The following COL13A1 variants were observed in gnomAD, a reference collection of about 807,000 sequenced individuals.
COL13A1 encodes the protein collagen type XIII alpha 1 chain, also known as collagen alpha-1(XIII) chain.
Under a neutral mutation model 130.9 loss-of-function variants are expected in COL13A1, and 89 were observed. That is an observed-to-expected ratio of 0.68 (90% CI 0.57 to 0.81). The LOEUF (loss-of-function observed/expected upper bound fraction) is 0.81. COL13A1 is among the 30% of genes least tolerant of loss of function. The pLI, the probability that COL13A1 is intolerant of heterozygous loss-of-function variation, is 0.00. For missense variants in COL13A1, 879 were observed against 934.6 expected (o/e 0.94, Z 0.78); for synonymous variants, 402 against 341.6 (o/e 1.18, Z -1.95).
At chr10:69,944,310 G>A in intron 36 of COL13A1, 132 bp downstream of exon 36, 1 of 779,964 alleles carries the variant, frequency 1.3e-6, no homozygotes, top group Non-Finnish European at 2.2e-6. Flanking sequence ...AGCAGCCTGG[G>A]ACAGGGGGTG....
At chr10:69,864,092 A>G (rs1329263092) in intron 2 of COL13A1, among the ~76,000 whole-genome samples, 1 of 152,142 alleles carries the variant, frequency 6.6e-6, no homozygotes, top group Non-Finnish European at 1.5e-5. Flanking sequence ...AAATTAAATT[A>G]AATTAAATTA....
chr10:69,864,790 T>C (rs899057229), intron 2 of COL13A1, among the ~76,000 whole-genome samples: 16 of 152,162 alleles, frequency 1.1e-4, no homozygotes, highest in Non-Finnish European at 2.4e-4. Context: ...AGAACGGTAG[T>C]GGCCTCAGCA....
intron 2 of COL13A1, among the ~76,000 whole-genome samples, chr10:69,827,517 G>A (rs1847778495): frequency 6.6e-6 from 1 of 152,186 alleles, no homozygotes; most frequent in African/African-American, 2.4e-5. Context: ...CATCAGAGAA[G>A]GTTTGGGGAG....
chr10:69,955,731 G>A (rs2070543675), intron 39 of COL13A1: 1 of 152,196 alleles, frequency 6.6e-6, no homozygotes, highest in Admixed American at 6.5e-5. Context: ...GAAAATGAAG[G>A]TCACCCTGAT....
At chr10:69,878,238 G>A (rs564280800) in intron 6 of COL13A1, among the ~76,000 whole-genome samples, 173 bp downstream of exon 6, 1 of 152,252 alleles carries the variant, frequency 6.6e-6, no homozygotes, top group South Asian at 2.1e-4. Flanking sequence ...CCATAACATC[G>A]GGCAGCAGTC....
intron 27 of COL13A1, among the ~76,000 whole-genome samples, chr10:69,928,215 A>C (rs2065634806): frequency 6.6e-6 from 1 of 152,144 alleles, no homozygotes; most frequent in African/African-American, 2.4e-5. Flanking sequence ...TTTTTCCTTT[A>C]AAATCAACCT....
Position 69,923,836 on chromosome 10 carries a change from C to G in COL13A1, c.1265C>G (p.Pro422Arg), listed in dbSNP as rs1356079570. Residue 422 changes from proline (P) to arginine (R), a missense_variant, in exon 24 of 41, where the codon CCA becomes CGA. Transcript: ENST00000645393. ...EAGVDGQVGPPGQPGDKGERG... is the reference protein window; with the variant it reads ...EAGVDGQVGPRGQPGDKGERG... ...GGTGTCGATGGCCAGGTTGGCCCCC[C>G]AGGGCAGCCAGGAGACAAGGTACAG... 3.1e-6 allele frequency: 5 copies of G among 1,611,806 alleles called. No individual in the cohort carries two copies. Among genetic ancestry groups the G allele is most frequent in the Non-Finnish European group, 4.2e-6 (5 of 1,179,218 alleles).
chr10:69,894,692 A>T lies in COL13A1; in HGVS notation c.648A>T (p.Lys216Asn). 1 of 1,614,040 alleles carries T rather than the reference A, an allele frequency of 6.2e-7. No individual in the cohort carries two copies. Residue 216 changes from lysine to asparagine, a missense_variant, in exon 12 of 41, where the codon AAA (lysine) becomes AAT (asparagine). By Grantham distance (94) the Lys-to-Asn change is moderately conservative. This residue lies in a region of COL13A1 where 715 missense variants were observed against 721.0 expected (regional missense o/e 0.99). Coordinates refer to ENST00000645393, the MANE Select transcript of COL13A1 (RefSeq NM_001368882.1). Reference protein sequence around the residue: ...PPGQPGPQGQKGEKGQCGEYP... With the variant: ...PPGQPGPQGQNGEKGQCGEYP... ...CTTTGTAGGGACCCCAGGGACAAAAAGGAGAAAAGGTAAGAGCAGTGGAGG... is the reference window on the plus strand; with the variant it reads ...CTTTGTAGGGACCCCAGGGACAAAATGGAGAAAAGGTAAGAGCAGTGGAGG...
At chr10:69,812,121 G>C (rs1449536393) in intron 1 of COL13A1, among the ~76,000 whole-genome samples, 1 of 152,214 alleles carries the variant, frequency 6.6e-6, no homozygotes, top group Non-Finnish European at 1.5e-5. Context: ...AAACTCTTCA[G>C]TAACTCCCTA....
rs188289527 is a variant in COL13A1, at chr10:69,879,982, G to A, written c.463-521G>A. ...CCTCTGTTTTCACAGTCCCATTCTCGGGCAGGTCACTGTTCAGCAGTTGCA... is the reference window on the plus strand; with the variant it reads ...CCTCTGTTTTCACAGTCCCATTCTCAGGCAGGTCACTGTTCAGCAGTTGCA... On this transcript the variant is annotated intron_variant, in intron 6 of 40. Coordinates refer to ENST00000645393, the MANE Select transcript of COL13A1 (RefSeq NM_001368882.1). Among the ~76,000 whole-genome samples the A allele has an allele frequency of 7.4e-4, 113 of 152,216 alleles. 1 individual carries two copies. The highest frequency in any genetic ancestry group is 2.7e-3 in the Admixed American group (41 of 15,276).
Position 69,834,978 on chromosome 10 carries a change from A to G in COL13A1, c.364+12540A>G, listed in dbSNP as rs544983495. On this transcript the variant is annotated intron_variant, in intron 2 of 40. Transcript: ENST00000645393. ...TAGCCACCTGCCAGCAACACTACTCACAGAAGAGAGAGAACAGGAGTGCAT... is the reference window on the plus strand; with the variant it reads ...TAGCCACCTGCCAGCAACACTACTCGCAGAAGAGAGAGAACAGGAGTGCAT... Among the ~76,000 whole-genome samples, 464 of 152,320 alleles carry G rather than the reference A, an allele frequency of 3.0e-3. 1 individual carries two copies. The highest frequency in any genetic ancestry group is 0.01 in the Middle Eastern group (3 of 294).
At chr10:69,933,167 A>C (rs927428672) in intron 31 of COL13A1, among the ~76,000 whole-genome samples, 1 of 118,432 alleles carries the variant, frequency 8.4e-6, no homozygotes, top group Non-Finnish European at 1.8e-5. Context: ...AAAAAAAAAA[A>C]CAGAACCATC....
At chr10:69,950,360 A>G (rs1207706375) in intron 38 of COL13A1, among the ~76,000 whole-genome samples, 1 of 152,136 alleles carries the variant, frequency 6.6e-6, no homozygotes, top group Non-Finnish European at 1.5e-5. Context: ...GCCTCAAAGG[A>G]CACCGGATTT....
intron 2 of COL13A1, among the ~76,000 whole-genome samples, chr10:69,856,651 G>A (rs879592273): frequency 9.8e-5 from 15 of 152,340 alleles, no homozygotes; most frequent in African/African-American, 2.9e-4. Context: ...ATGTGAAGCC[G>A]TGATGTGCGT....
rs193108827 is a variant in COL13A1, at chr10:69,919,616, A to C, written c.1027-49A>C. On this transcript the variant is annotated intron_variant, in intron 20 of 40. Transcript: ENST00000645393. ...ATGATCACTGCCCATCCTACCCCTC[A>C]CTGCCTGCCCCATCTTCTTATCAGT... 1.4e-3 allele frequency: 574 copies of C among 398,728 alleles called. 4 individuals carry two copies. Among genetic ancestry groups the C allele is most frequent in the Non-Finnish European group, 2.2e-3 (488 of 226,184 alleles). 24.7% of individuals were successfully genotyped at this position (398,728 alleles called of 1,614,324 possible).
chr10:69,864,503 C>A (rs921958775), intron 2 of COL13A1, among the ~76,000 whole-genome samples: 12 of 152,148 alleles, frequency 7.9e-5, no homozygotes, highest in African/African-American at 2.7e-4. Flanking sequence ...TTGCATCAGG[C>A]CTGGTAGATA....
chr10:69,802,399 T>C lies in COL13A1; in HGVS notation c.-25T>C, dbSNP rs1840233139. On this transcript the variant is annotated 5_prime_UTR_variant, in exon 1 of 41. Coordinates refer to ENST00000645393, the MANE Select transcript of COL13A1 (RefSeq NM_001368882.1). ...GCCTTTATTTATTCTATTTATTTAT[T>C]TATTGGTTCTCAAGACGCGAGAGGA... 1 of 1,453,784 alleles carries C rather than the reference T, an allele frequency of 6.9e-7. No homozygotes were observed. The highest frequency in any genetic ancestry group is 9.0e-7 in the Non-Finnish European group (1 of 1,112,102). The allele number at this position is 1,453,784 out of a possible 1,614,324, so 90.1% of individuals were successfully genotyped here.
chr10:69,895,900 C>A (rs1386445553), intron 13 of COL13A1, among the ~76,000 whole-genome samples: 1 of 152,172 alleles, frequency 6.6e-6, no homozygotes, highest in East Asian at 1.9e-4. Context: ...TGTGGCTGCT[C>A]TGCACATGGC....
chr10:69,932,455 C>A, intron 30 of COL13A1, 105 bp from the exon 31 acceptor site: 1 of 777,888 alleles, frequency 1.3e-6, no homozygotes, highest in South Asian at 1.5e-5. Flanking sequence ...TTGTTGACCC[C>A]TAGACCAGTC....
Sources: allele counts gnomAD v4.1 joint callset (sites outside exome capture counted in the v4.1 genomes callset), GRCh38; gene constraint gnomAD v4.1.1; regional missense constraint gnomAD v4.1.1; transcripts MANE v1.5; gene names NCBI Gene and HGNC (gene_info 2026-07-23, HGNC 2026-07-21).